Variants in ARPP21 observed in about 807,000 individuals in gnomAD.
ARPP21 encodes cAMP regulated phosphoprotein 21, also known as cAMP-regulated phosphoprotein 21.
A neutral mutation model predicts 113.2 loss-of-function variants in ARPP21; 69 were observed. The ratio of observed to expected loss-of-function variants is 0.61; its 90% CI spans 0.50 to 0.74. The LOEUF is 0.74. Ranked by LOEUF, ARPP21 falls within the 30% of genes least tolerant of loss-of-function variation. The pLI is 0.00. For missense variants in ARPP21, 1,070 were observed against 1,037.4 expected, an observed-to-expected ratio of 1.03 and a Z score of -0.43; for synonymous variants, 368 against 375.5, an observed-to-expected ratio of 0.98 and a Z score of 0.23.
chr3:35,696,814 C>T (rs543885755), intron 9 of ARPP21, among the ~76,000 whole-genome samples: 43 of 151,410 alleles, frequency 2.8e-4, no homozygotes, highest in African/African-American at 1.0e-3. Flanking sequence ...TTTTAAATGC[C>T]ACAAATATGT....
chr3:35,707,139 G>T, intron 10 of ARPP21, 57 bp downstream of exon 10: 1 of 1,319,664 alleles, frequency 7.6e-7, no homozygotes, highest in East Asian at 2.3e-5. Context: ...TGGGCTGACT[G>T]ATGTTCATGT....
At chr3:35,667,287 A>T (rs1037735639) in intron 1 of ARPP21, among the ~76,000 whole-genome samples, 4 of 152,194 alleles carry the variant, frequency 2.6e-5, no homozygotes, top group Admixed American at 6.5e-5. Flanking sequence ...ATCATAGCAA[A>T]ACTAGTTTTA....
chr3:35,646,208 T>C (rs1700163265), intron 1 of ARPP21, among the ~76,000 whole-genome samples: 1 of 152,070 alleles, frequency 6.6e-6, no homozygotes, highest in African/African-American at 2.4e-5. Context: ...TATTTGCCCA[T>C]AAATTCAATG....
At chr3:35,690,378 T>G (rs1314613074) in intron 8 of ARPP21, among the ~76,000 whole-genome samples, 1 of 151,512 alleles carries the variant, frequency 6.6e-6, no homozygotes, top group African/African-American at 2.4e-5. Context: ...AGTGGGCCAC[T>G]GATTAGCATA....
intron 15 of ARPP21, among the ~76,000 whole-genome samples, chr3:35,732,304 C>A (rs185166252): frequency 6.6e-6 from 1 of 152,288 alleles, no homozygotes; most frequent in Non-Finnish European, 1.5e-5. Context: ...CTGAAATCAA[C>A]CTACTCACAT....
chr3:35,702,764 G>A (rs2086926125), intron 9 of ARPP21, among the ~76,000 whole-genome samples: 1 of 151,794 alleles, frequency 6.6e-6, no homozygotes. Flanking sequence ...AGAAAATGAG[G>A]TGGTATAAAA....
At chr3:35,735,085 G>C (rs1173619685) in intron 15 of ARPP21, among the ~76,000 whole-genome samples, 1 of 151,808 alleles carries the variant, frequency 6.6e-6, no homozygotes, top group African/African-American at 2.4e-5. Flanking sequence ...GTTTTCTCTG[G>C]GTCAGTTTTT....
intron 19 of ARPP21, among the ~76,000 whole-genome samples, chr3:35,751,760 G>C (rs1429258900): frequency 6.6e-6 from 1 of 152,002 alleles, no homozygotes; most frequent in East Asian, 1.9e-4. Context: ...AGCCAGAGAG[G>C]GTCTTCTGCT....
At position 35,793,703 on chromosome 3, in the gene ARPP21, G is replaced by C. The variant is rs1194294283; in HGVS notation, c.2289G>C (p.Val763=). The C allele has an allele frequency of 1.2e-6, 2 of 1,612,746 alleles. No individual in the cohort carries two copies. The highest frequency in any genetic ancestry group is 1.7e-6 in the Non-Finnish European group (2 of 1,178,836). Residue 763 remains valine, a splice_region_variant and synonymous_variant, in exon 21 of 21, where the codon GTG becomes GTC. Transcript: ENST00000684406. Reference sequence around the variant, plus strand: ...TTCTTGCTTGTGTCTTTTTACAGGTGCCAATGACCCAGGGTTCTCAAGGAC... The same window carrying C: ...TTCTTGCTTGTGTCTTTTTACAGGTCCCAATGACCCAGGGTTCTCAAGGAC... ...VSYPTMSSYQ[V]PMTQGSQGLP... is the part of the protein sequence containing the mutation.
At chr3:35,790,857 T>C (rs920103747) in intron 19 of ARPP21, among the ~76,000 whole-genome samples, 3 of 152,172 alleles carry the variant, frequency 2.0e-5, no homozygotes, top group African/African-American at 4.8e-5. Context: ...ATGAAGATAA[T>C]TTAGGGTAAT....
At chr3:35,644,966 T>C (rs1699645947) in intron 1 of ARPP21, among the ~76,000 whole-genome samples, 1 of 151,948 alleles carries the variant, frequency 6.6e-6, no homozygotes, top group Admixed American at 6.6e-5. Flanking sequence ...AATAAACTGA[T>C]ATATATTAGG....
chr3:35,734,058 T>C (rs1294768255), intron 15 of ARPP21, among the ~76,000 whole-genome samples: 2 of 152,212 alleles, frequency 1.3e-5, no homozygotes, highest in East Asian at 3.8e-4. Context: ...AAATCCTTTC[T>C]TTTTCCTTTC....
At chr3:35,735,558 A>G (rs2094297910) in intron 15 of ARPP21, among the ~76,000 whole-genome samples, 1 of 152,216 alleles carries the variant, frequency 6.6e-6, no homozygotes, top group African/African-American at 2.4e-5. Flanking sequence ...TGCAAGCCTT[A>G]TGTATCAGAA....
At chr3:35,789,499 T>A (rs962857938) in intron 19 of ARPP21, among the ~76,000 whole-genome samples, 1 of 151,482 alleles carries the variant, frequency 6.6e-6, no homozygotes, top group Non-Finnish European at 1.5e-5. Context: ...GGGCTCTCCT[T>A]ACACTAAAGT....
At chr3:35,748,312 AAG>A (rs911505581) in intron 19 of ARPP21, among the ~76,000 whole-genome samples, 1 of 150,388 alleles carries the variant, frequency 6.6e-6, no homozygotes, top group Admixed American at 6.6e-5. Flanking sequence ...GAAAGAAAGA[AAG>A]AAAGAAAAAG....
intron 18 of ARPP21, among the ~76,000 whole-genome samples, chr3:35,740,565 A>C (rs2094592802): frequency 1.3e-5 from 2 of 152,210 alleles, no homozygotes; most frequent in Non-Finnish European, 2.9e-5. Flanking sequence ...TCTCTGTAAT[A>C]TCTCTTCAGA....
intron 9 of ARPP21, among the ~76,000 whole-genome samples, chr3:35,705,369 T>C (rs1219687484): frequency 6.6e-6 from 1 of 152,190 alleles, no homozygotes; most frequent in Non-Finnish European, 1.5e-5. Context: ...GTTTAATTTC[T>C]CTACTGTAAA....
chr3:35,715,410 T>G (rs1402090541), intron 11 of ARPP21, 29 bp from the exon 12 acceptor site: 1 of 1,608,376 alleles, frequency 6.2e-7, no homozygotes, highest in South Asian at 1.1e-5. Context: ...CCAGAACTTC[T>G]GATCCAATGC....
At chr3:35,757,227 TAA>T (rs112002226) in intron 19 of ARPP21, among the ~76,000 whole-genome samples, 3 of 143,436 alleles carry the variant, frequency 2.1e-5, no homozygotes, top group African/African-American at 2.5e-5. Flanking sequence ...TCTGGCTAAT[TAA>T]AAAAAAAAAA....
Sources: gnomAD v4.1 joint callset for allele counts (sites outside exome capture counted in the v4.1 genomes callset) on GRCh38, gnomAD v4.1.1 for gene constraint, MANE v1.5 for transcripts, NCBI Gene and HGNC (gene_info 2026-07-23, HGNC 2026-07-21) for gene names.